KIF14: variants seen among roughly 807,000 people sequenced by gnomAD.
KIF14 encodes the protein kinesin family member 14.
Under a neutral mutation model 176.2 loss-of-function variants are expected in KIF14, and 98 were observed. The observed-to-expected ratio is 0.56, with a 90% confidence interval of 0.47 to 0.66. The LOEUF (loss-of-function observed/expected upper bound fraction) is 0.66. Among genes scored for constraint, KIF14 ranks in the 30% least tolerant of loss-of-function variants. The probability of loss-of-function intolerance (pLI) is 0.00; values close to 1 mark genes in which losing one functional copy is unlikely to be tolerated. For synonymous variants in KIF14, 566 were observed against 632.2 expected, an observed-to-expected ratio of 0.90 and a Z score of 1.57; for missense variants, 1,751 against 1,920.4, an observed-to-expected ratio of 0.91 and a Z score of 1.65.
At chr1:200,617,043 A>G (rs964858594) in intron 2 of KIF14, among the ~76,000 whole-genome samples, 13 of 152,100 alleles carry the variant, frequency 8.5e-5, no homozygotes, top group Admixed American at 5.9e-4. Flanking sequence ...TGTCAGCTCA[A>G]TGCAGCCTCT....
At chr1:200,602,166 G>C in intron 10 of KIF14, 98 bp from the exon 11 acceptor site, 5 of 905,970 alleles carry the variant, frequency 5.5e-6, no homozygotes, top group Non-Finnish European at 6.6e-6. Flanking sequence ...ATATAATACA[G>C]TATTATTATA....
rs1386961001 is a variant in KIF14 at position 200,580,248 on chromosome 1, C to G, written c.3465+6G>C. The G allele has an allele frequency of 7.4e-7, 1 of 1,357,828 alleles. No individual in the cohort carries two copies. The highest frequency in any genetic ancestry group is 2.8e-5 in the East Asian group (1 of 36,076). 84.1% of individuals were successfully genotyped at this position (1,357,828 alleles called of 1,614,324 possible). A position where few individuals can be genotyped will look rare whatever the true frequency, so the allele number is the denominator to read the frequency against. The stretch of plus-strand genomic sequence containing the variant: ...AATTTATAGAGATTTTAATAATATT[C>G]CAAACCTCATAAAGTTCTTTCATTG... On this transcript the variant is annotated splice_donor_region_variant and intron_variant, in intron 21 of 29. Transcript: ENST00000367350.
intron 21 of KIF14, among the ~76,000 whole-genome samples, chr1:200,579,038 C>T (rs1488921275): frequency 6.6e-6 from 1 of 151,936 alleles, no homozygotes; most frequent in Admixed American, 6.6e-5. Flanking sequence ...TGCAGTGAGC[C>T]GAGATTGTGC....
rs1217044096 is a variant in KIF14 at position 200,560,847 on chromosome 1, C to T, written c.4105G>A (p.Glu1369Lys). The change falls in exon 26 of 30, where the codon GAG becomes AAG. Residue 1369 changes from glutamate (E) to lysine (K), a missense_variant. Transcript: ENST00000367350. ...ATTTGGATTGCATTCTTTTGAGCCTCTTTTATCATTGATGAAATATCCAAA... is the reference window on the plus strand; with the variant it reads ...ATTTGGATTGCATTCTTTTGAGCCTTTTTTATCATTGATGAAATATCCAAA... ...CCLDISSMIK[E>K]AQKNAIQIVQ... 1.2e-6 allele frequency: 2 copies of T among 1,613,830 alleles called. No individual in the cohort carries two copies. Among genetic ancestry groups the T allele is most frequent in the Admixed American group, 3.3e-5 (2 of 60,000 alleles).
intron 18 of KIF14, among the ~76,000 whole-genome samples, chr1:200,586,790 CATATATATATAT>C (rs10610890): frequency 7.0e-5 from 9 of 128,300 alleles, no homozygotes; most frequent in Admixed American, 2.3e-4. Context: ...TATATACATA[CATATATATATAT>C]ATATATATAT....
At chr1:200,599,076 A>G (rs1659503582) in intron 13 of KIF14, among the ~76,000 whole-genome samples, 1 of 152,196 alleles carries the variant, frequency 6.6e-6, no homozygotes, top group Non-Finnish European at 1.5e-5. Flanking sequence ...CACCAAAACT[A>G]CTGAAGCAGC....
chr1:200,568,190 C>T (rs968696289), intron 23 of KIF14, among the ~76,000 whole-genome samples: 1 of 152,180 alleles, frequency 6.6e-6, no homozygotes, highest in Non-Finnish European at 1.5e-5. Flanking sequence ...TAAGTTCACA[C>T]GTGGGTTTCC....
chr1:200,614,790 C>CAAAAAAAAAAAAAAAAAAAAAAAAA (rs67447333), intron 3 of KIF14, among the ~76,000 whole-genome samples: 1 of 74,862 alleles, frequency 1.3e-5, no homozygotes, highest in Non-Finnish European at 2.3e-5. Context: ...AACCTTGCTA[C>CAAAAAAAAAAAAAAAAAAAAAAAAA]AAAAAAAAAA....
In KIF14 at chr1:200,592,127, T is replaced by G; in HGVS notation, c.2766A>C (p.Lys922Asn). 1 of 1,613,832 alleles carries G rather than the reference T, an allele frequency of 6.2e-7. No individual in the cohort carries two copies. Among genetic ancestry groups the G allele is most frequent in the Non-Finnish European group, 8.5e-7 (1 of 1,179,904 alleles). ...GRDTPISEGPKDFEFAKNELL... is the reference protein window; with the variant it reads ...GRDTPISEGPNDFEFAKNELL... ...ACTCATTTTTTGCAAATTCAAAGTCTTTTGGACCCTCACTTATAGGAGTAT... is the reference window on the plus strand; with the variant it reads ...ACTCATTTTTTGCAAATTCAAAGTCGTTTGGACCCTCACTTATAGGAGTAT... Residue 922 changes from lysine (K) to asparagine (N), a missense_variant, in exon 16 of 30, where the codon AAA becomes AAC. By Grantham distance (94) the Lys-to-Asn change is moderately conservative (BLOSUM62 0). Transcript: ENST00000367350.
intron 8 of KIF14, among the ~76,000 whole-genome samples, chr1:200,604,512 G>C (rs115641539): frequency 0.01 from 1,553 of 152,118 alleles, 15 homozygotes; most frequent in South Asian, 0.022. Flanking sequence ...TAACCACTCA[G>C]TTATATTAAG....
Position 200,553,548 on chromosome 1 carries a change from G to C in KIF14, c.4787C>G (p.Thr1596Ser), listed in dbSNP as rs936600159. Residue 1596 changes from threonine to serine, a missense_variant, in exon 30 of 30, where the codon ACT becomes AGT. By Grantham distance (58) the Thr-to-Ser change is moderately conservative. Coordinates refer to ENST00000367350, the MANE Select transcript of KIF14 (RefSeq NM_014875.3). ...TTCTTCTTTGGTATTTTGATTATAA[G>C]TTTCCCAGGGTTTCAACAAATCAGG... ...ESPDLLKPWETYNQNTKEEHQ... is the reference protein window; with the variant it reads ...ESPDLLKPWESYNQNTKEEHQ... The C allele has an allele frequency of 6.2e-7, 1 of 1,613,866 alleles. No homozygotes were observed. The highest frequency in any genetic ancestry group is 1.3e-5 in the African/African-American group (1 of 74,850).
At chr1:200,572,204 T>A (rs1657828728) in intron 22 of KIF14, among the ~76,000 whole-genome samples, 1 of 152,242 alleles carries the variant, frequency 6.6e-6, no homozygotes, top group African/African-American at 2.4e-5. Context: ...CTCTGTGAAA[T>A]GAAAATATCC....
chr1:200,581,652 T>C (rs1340331835), intron 19 of KIF14, among the ~76,000 whole-genome samples: 2 of 151,928 alleles, frequency 1.3e-5, no homozygotes, highest in Non-Finnish European at 1.5e-5. Flanking sequence ...CTTACTTATG[T>C]AGAAACATGT....
Position 200,620,641 on chromosome 1 carries a change from G to A in KIF14, c.-346C>T, listed in dbSNP as rs137913975. The stretch of plus-strand genomic sequence containing the variant: ...AAAGCGTCCGCACGCCCTCCCCAGT[G>A]CCGAAACTTCGCCCCTCCGCAGGGT... On this transcript the variant is annotated 5_prime_UTR_variant, in exon 1 of 30. Transcript: ENST00000367350. The A allele has an allele frequency of 0.015, 2,224 of 151,856 alleles. 25 individuals are homozygous for A. Among genetic ancestry groups the A allele is most frequent in the Middle Eastern group, 0.024 (7 of 292 alleles). 9.4% of individuals were successfully genotyped at this position (151,856 alleles called of 1,614,324 possible). A position where few individuals can be genotyped will look rare whatever the true frequency, so the allele number is the denominator to read the frequency against.
chr1:200,617,801 A>C lies in KIF14; in HGVS notation c.923T>G (p.Met308Arg). 6.2e-7 allele frequency: 1 copy of C among 1,614,104 alleles called. No individual in the cohort carries two copies. Among genetic ancestry groups the C allele is most frequent in the Non-Finnish European group, 8.5e-7 (1 of 1,179,948 alleles). Residue 308 changes from methionine to arginine, a missense_variant, in exon 2 of 30, where the codon ATG becomes AGG. Transcript: ENST00000367350. ...SPAPSILKNR[M>R]SNLQVKQRPK... Reference sequence around the variant, plus strand: ...TCTTTGTTTAACTTGAAGGTTAGACATTCTATTCTTCAGTATTGATGGAGC... The same window carrying C: ...TCTTTGTTTAACTTGAAGGTTAGACCTTCTATTCTTCAGTATTGATGGAGC...
At chr1:200,573,108 G>C (rs139450672) in intron 22 of KIF14, among the ~76,000 whole-genome samples, 183 of 152,192 alleles carry the variant, frequency 1.2e-3, no homozygotes, top group African/African-American at 4.4e-3. Flanking sequence ...TCTAATCCTC[G>C]TAACAACTCT....
intron 25 of KIF14, among the ~76,000 whole-genome samples, chr1:200,562,297 G>A (rs559031369): frequency 1.3e-5 from 2 of 152,210 alleles, no homozygotes; most frequent in Non-Finnish European, 2.9e-5. Flanking sequence ...CACAAGTTCA[G>A]TTCAAAGTGT....
At position 200,592,468 on chromosome 1, in the gene KIF14, C is replaced by A. The variant is rs189086625; in HGVS notation, c.2653-228G>T. On this transcript the variant is annotated intron_variant, in intron 15 of 29. Transcript: ENST00000367350. Reference sequence around the variant, plus strand: ...TCAGCTCACTGCAACCTCGGCCTCACGGGTTCAAGCAATTCTCCTGCCTCA... The same window carrying A: ...TCAGCTCACTGCAACCTCGGCCTCAAGGGTTCAAGCAATTCTCCTGCCTCA... Among the ~76,000 whole-genome samples the A allele has an allele frequency of 4.1e-3, 617 of 152,166 alleles. 9 individuals carry two copies. The highest frequency in any genetic ancestry group is 0.014 in the African/African-American group (590 of 41,510).
At chr1:200,596,707 G>A (rs1659360711) in intron 14 of KIF14, among the ~76,000 whole-genome samples, 2 of 151,310 alleles carry the variant, frequency 1.3e-5, no homozygotes, top group Non-Finnish European at 2.9e-5. Context: ...TGAGACTATA[G>A]GTGCCCACCA....
Sources: gnomAD v4.1 joint callset for allele counts (sites outside exome capture counted in the v4.1 genomes callset) on GRCh38, gnomAD v4.1.1 for gene constraint, MANE v1.5 for transcripts, NCBI Gene and HGNC (gene_info 2026-07-23, HGNC 2026-07-21) for gene names.